The following ACSBG2 variants were observed in gnomAD, a reference collection of about 807,000 sequenced individuals.
ACSBG2 encodes acyl-CoA synthetase bubblegum family member 2, also known as long-chain-fatty-acid--CoA ligase ACSBG2.
A neutral mutation model predicts 74.7 loss-of-function variants in ACSBG2; 62 were observed. The observed-to-expected ratio is 0.83, with a 90% CI of 0.68 to 1.03. The LOEUF is 1.03. ACSBG2 is among the 50% of genes least tolerant of loss of function. ACSBG2 has a pLI of 0.00. For missense variants in ACSBG2, 730 were observed against 817.6 expected (o/e 0.89, Z 1.31); for synonymous variants, 309 against 294.1 (o/e 1.05, Z -0.52).
intron 3 of ACSBG2, among the ~76,000 whole-genome samples, chr19:6,149,939 T>C (rs956630115): frequency 3.6e-4 from 55 of 151,862 alleles, no homozygotes; most frequent in African/African-American, 1.2e-3. Context: ...CCACCACGCC[T>C]GTAATTTTTT....
chr19:6,184,770 G>A (rs1407101701), intron 10 of ACSBG2, among the ~76,000 whole-genome samples: 1 of 124,944 alleles, frequency 8.0e-6, no homozygotes, highest in African/African-American at 3.0e-5. Flanking sequence ...TCTTTAAAAT[G>A]AGGGTTTTGT....
In ACSBG2 at chr19:6,165,920, G is replaced by T; in HGVS notation, c.643G>T (p.Val215Phe). ...RSIPDTQLEQ[V>F]IESQKANQCA... ...TATCCCTGACACCCAACTGGAGCAGGTCATCGAGAGCCAGAAGGCGAATCA... is the reference window on the plus strand; with the variant it reads ...TATCCCTGACACCCAACTGGAGCAGTTCATCGAGAGCCAGAAGGCGAATCA... Residue 215 changes from valine to phenylalanine, a missense_variant, in exon 7 of 15, where the codon GTC becomes TTC. Transcript: ENST00000588485. The T allele has an allele frequency of 6.2e-7, 1 of 1,614,154 alleles. No individual in the cohort carries two copies. Among genetic ancestry groups the T allele is most frequent in the Non-Finnish European group, 8.5e-7 (1 of 1,180,002 alleles).
chr19:6,162,264 C>CAAA (rs57505930), intron 6 of ACSBG2, among the ~76,000 whole-genome samples: 18 of 62,818 alleles, frequency 2.9e-4, no homozygotes, highest in East Asian at 9.0e-4. Context: ...GACTCTGTCT[C>CAAA]AAAAAAAAAA....
Position 6,180,778 on chromosome 19 carries a change from G to A in ACSBG2, c.907-1973G>A, listed in dbSNP as rs1474881074. Among the ~76,000 whole-genome samples the A allele has an allele frequency of 6.6e-6, 1 of 152,146 alleles. No homozygotes were observed. Among genetic ancestry groups the A allele is most frequent in the Non-Finnish European group, 1.5e-5 (1 of 68,036 alleles). ...AATTTGCATTTCCTTGGTGATTAAT[G>A]ATAGTGAGCATCTCTTCATGTGTTT... On this transcript the variant is annotated intron_variant, in intron 8 of 14. Transcript: ENST00000588485. The surrounding 1 kb of genome is among the most constrained non-coding windows in gnomAD (Gnocchi z 4.3).
At chr19:6,137,316 G>A (rs1452890732) in intron 1 of ACSBG2, 1 of 152,144 alleles carries the variant, frequency 6.6e-6, no homozygotes, top group Non-Finnish European at 1.5e-5. Context: ...AATTAGCCAG[G>A]CGTAGTGGCA....
At chr19:6,154,434 A>AGAGAGAGAGAT (rs1568226772) in intron 4 of ACSBG2, among the ~76,000 whole-genome samples, 1 of 38,148 alleles carries the variant, frequency 2.6e-5, no homozygotes, top group African/African-American at 3.9e-5. Context: ...GAGAGAGAGA[A>AGAGAGAGAGAT]AATTATTATT....
At chr19:6,191,434 T>G (rs141307732) in intron 14 of ACSBG2, 1 of 152,306 alleles carries the variant, frequency 6.6e-6, no homozygotes, top group African/African-American at 2.4e-5. Context: ...ATAAACTTAT[T>G]GTCTCACAGA....
chr19:6,161,098 T>TTA lies in ACSBG2; in HGVS notation c.508-117_508-116insTA. ...CTGGGCGACAGAGCAAGACTGTGTCTCAAAAAAAAAAAAAGAGGCTAGAGT... is the reference window on the plus strand; with the variant it reads ...CTGGGCGACAGAGCAAGACTGTGTCTTACAAAAAAAAAAAAAGAGGCTAGAGT... On this transcript the variant is annotated intron_variant, in intron 5 of 14. Coordinates refer to ENST00000588485, the MANE Select transcript of ACSBG2 (RefSeq NM_030924.5). 9.4e-6 allele frequency: 4 copies of TTA among 426,766 alleles called. No individual in the cohort carries two copies. In the East Asian group the frequency reaches 1.8e-4, roughly 19 times the overall value. The allele number at this position is 426,766 out of a possible 1,614,324, so 26.4% of individuals were successfully genotyped here.
intron 7 of ACSBG2, among the ~76,000 whole-genome samples, chr19:6,171,387 G>A (rs2089960703): frequency 3.3e-5 from 5 of 151,638 alleles, no homozygotes; most frequent in African/African-American, 7.3e-5. Flanking sequence ...AACTCCTTTG[G>A]GCATTTCTTT....
rs745550316 is a variant in ACSBG2 at position 6,185,669 on chromosome 19, C to A, written c.1540+16C>A. 8 of 1,613,310 alleles carry A rather than the reference C, an allele frequency of 5.0e-6. No homozygotes were observed. The highest frequency in any genetic ancestry group is 1.1e-5 in the South Asian group (1 of 91,040). On this transcript the variant is annotated intron_variant, in intron 11 of 14. Transcript: ENST00000588485. The stretch of plus-strand genomic sequence containing the variant: ...CACATCAAAGGTACCAGGGGCTGAG[C>A]TCTTTGGGAATCTCCTGCAAGCAGG...
chr19:6,168,349 C>T (rs1411689853), intron 7 of ACSBG2, among the ~76,000 whole-genome samples: 1 of 152,212 alleles, frequency 6.6e-6, no homozygotes, highest in Non-Finnish European at 1.5e-5. Context: ...CAGTGAAGCC[C>T]TCCCTAACTT....
chr19:6,188,359 G>C (rs2090464600), intron 13 of ACSBG2, among the ~76,000 whole-genome samples: 1 of 152,176 alleles, frequency 6.6e-6, no homozygotes, highest in Admixed American at 6.5e-5. Context: ...GTTTAATTAT[G>C]GCCAGGCACA....
intron 12 of ACSBG2, 73 bp from the exon 13 acceptor site, chr19:6,187,526 C>A (rs554418071): frequency 2.6e-5 from 42 of 1,604,936 alleles, no homozygotes; most frequent in East Asian, 4.5e-5. Context: ...TCAAGACCCA[C>A]TTCTTGGTCT....
intron 8 of ACSBG2, among the ~76,000 whole-genome samples, chr19:6,179,082 T>C (rs79375156): frequency 0.084 from 12,748 of 152,186 alleles, 949 homozygotes; most frequent in African/African-American, 0.2. Flanking sequence ...AAGAGGGAAC[T>C]GTGGGCCACT....
intron 5 of ACSBG2, 60 bp from the exon 6 acceptor site, chr19:6,161,155 C>T (rs2089596830): frequency 6.9e-7 from 1 of 1,442,648 alleles, no homozygotes; most frequent in Admixed American, 1.7e-5. Context: ...GACATCTAAC[C>T]CAGCTTTAGT....
chr19:6,156,362 T>C, intron 4 of ACSBG2, 69 bp from the exon 5 acceptor site: 1 of 1,486,042 alleles, frequency 6.7e-7, no homozygotes, highest in Non-Finnish European at 8.9e-7. Flanking sequence ...TCCTCTCTTT[T>C]GACCTTCCAG....
chr19:6,169,119 C>G lies in ACSBG2; in HGVS notation c.738+3104C>G, dbSNP rs1568239877. ...ATTGATGCACAGTTGCAAATATTTT[C>G]TCCTATTCTGTAGGTTGTCTTTACT... is the stretch of plus-strand genomic sequence containing the variant. On this transcript the variant is annotated intron_variant, in intron 7 of 14. Coordinates refer to ENST00000588485, the MANE Select transcript of ACSBG2 (RefSeq NM_030924.5). 2.0e-5 allele frequency among the ~76,000 whole-genome samples: 3 copies of G among 152,326 alleles called. No individual in the cohort carries two copies. In the South Asian group the frequency reaches 6.2e-4, roughly 32 times the overall value.
At chr19:6,172,686 T>C (rs910429660) in intron 7 of ACSBG2, among the ~76,000 whole-genome samples, 4 of 152,212 alleles carry the variant, frequency 2.6e-5, no homozygotes, top group Admixed American at 2.6e-4. Flanking sequence ...TCAGGAGGCT[T>C]ATCTCATGCA....
chr19:6,149,571 G>A (rs933473408), intron 3 of ACSBG2, among the ~76,000 whole-genome samples: 6 of 148,094 alleles, frequency 4.1e-5, no homozygotes, highest in South Asian at 4.2e-4. Context: ...GCAGTGGCAC[G>A]ATCTTGGCTC....
Sources: allele counts gnomAD v4.1 joint callset (sites outside exome capture counted in the v4.1 genomes callset), GRCh38; gene constraint gnomAD v4.1.1; non-coding constraint Gnocchi (gnomAD v3.1); transcripts MANE v1.5; gene names NCBI Gene and HGNC (gene_info 2026-07-23, HGNC 2026-07-21).